RTTN: variants seen among roughly 807,000 people sequenced by gnomAD.
The protein encoded by RTTN is rotatin.
A neutral mutation model predicts 269.2 loss-of-function variants in RTTN; 182 were observed. The ratio of observed to expected loss-of-function variants is 0.68; its 90% CI spans 0.60 to 0.76. RTTN has a LOEUF of 0.76. Ranked by LOEUF, RTTN falls within the 30% of genes least tolerant of loss-of-function variation. The pLI is 0.00. For synonymous variants in RTTN, 1,006 were observed against 963.5 expected (o/e 1.04, Z -0.82); for missense variants, 2,545 against 2,608.6 (o/e 0.98, Z 0.53).
At chr18:70,134,426 TAAC>T (rs773332713) in intron 23 of RTTN, 44 bp downstream of exon 23, 22 of 1,335,522 alleles carry the variant, frequency 1.6e-5, no homozygotes, top group South Asian at 2.5e-5. Context: ...TCCCTTTCTG[TAAC>T]AACATTTCGT....
intron 28 of RTTN, among the ~76,000 whole-genome samples, chr18:70,101,278 T>C (rs939425716): frequency 1.2e-4 from 18 of 152,212 alleles, no homozygotes; most frequent in South Asian, 2.1e-4. Context: ...TATTCAGAAA[T>C]TGAACTTCTT....
At chr18:70,071,429 C>A (rs1184724206) in intron 34 of RTTN, among the ~76,000 whole-genome samples, 4 of 152,148 alleles carry the variant, frequency 2.6e-5, no homozygotes, top group African/African-American at 9.7e-5. Flanking sequence ...TGCTCAGGAA[C>A]AACAGAAGAG....
intron 11 of RTTN, among the ~76,000 whole-genome samples, chr18:70,174,874 G>A (rs1232745152): frequency 5.4e-5 from 8 of 149,286 alleles, no homozygotes; most frequent in South Asian, 4.3e-4. Flanking sequence ...AAAAAAATAC[G>A]AAAATTAGCT....
chr18:70,037,395 C>A (rs1004870861), intron 40 of RTTN, among the ~76,000 whole-genome samples: 1 of 152,170 alleles, frequency 6.6e-6, no homozygotes, highest in African/African-American at 2.4e-5. Context: ...AGAGAGTAAA[C>A]AAGACTTTGT....
rs1222489760 is a variant in RTTN, at chr18:70,205,662, G to A, written c.-4C>T. ...TGATGAGCCCTGCCAGGACCATCTC[G>A]TCCCGTCAATCTGCAGCCGCCGGAG... On this transcript the variant is annotated 5_prime_UTR_variant, in exon 1 of 49. The change creates a new upstream start codon in the 5' untranslated region. Transcript: ENST00000640769. The A allele has an allele frequency of 5.0e-6, 8 of 1,613,954 alleles. No homozygotes were observed. The highest frequency in any genetic ancestry group is 1.6e-4 in the Middle Eastern group (1 of 6,084).
At chr18:70,055,306 C>T (rs1019961820) in intron 37 of RTTN, among the ~76,000 whole-genome samples, 1 of 151,262 alleles carries the variant, frequency 6.6e-6, no homozygotes, top group African/African-American at 2.4e-5. Flanking sequence ...TCTCTCTGTA[C>T]ACACACACAC....
At chr18:70,044,368 C>T (rs543384805) in intron 40 of RTTN, among the ~76,000 whole-genome samples, 161 of 152,202 alleles carry the variant, frequency 1.1e-3, no homozygotes, top group Admixed American at 2.0e-3. Context: ...ATTAATATAT[C>T]AATTATAGAC....
intron 43 of RTTN, among the ~76,000 whole-genome samples, chr18:70,025,673 TGCA>T (rs1287839391): frequency 6.6e-6 from 1 of 152,230 alleles, no homozygotes; most frequent in Non-Finnish European, 1.5e-5. Flanking sequence ...GCCCTCCATC[TGCA>T]GCAGATGACC....
At chr18:70,131,124 A>C (rs1032448732) in intron 23 of RTTN, 1 of 127,534 alleles carries the variant, frequency 7.8e-6, no homozygotes, top group African/African-American at 2.8e-5. Context: ...AACATTTTTT[A>C]AAACAGAAAG....
chr18:70,111,920 C>T (rs1192431338), intron 27 of RTTN, among the ~76,000 whole-genome samples: 3 of 152,144 alleles, frequency 2.0e-5, no homozygotes, highest in African/African-American at 7.2e-5. Flanking sequence ...GATCAGGTTA[C>T]CCACAAAGGG....
intron 27 of RTTN, among the ~76,000 whole-genome samples, chr18:70,110,731 G>A (rs765073564): frequency 3.3e-5 from 5 of 152,186 alleles, no homozygotes; most frequent in Non-Finnish European, 5.9e-5. Context: ...CGCTGGAAAG[G>A]GGTGCTGAAG....
At chr18:70,122,149 G>A (rs1390882870) in intron 25 of RTTN, among the ~76,000 whole-genome samples, 3 of 152,012 alleles carry the variant, frequency 2.0e-5, no homozygotes, top group African/African-American at 4.8e-5. Context: ...CTGCAAGGAC[G>A]CTACTAGAGT....
chr18:70,163,920 T>A (rs1239330467), intron 14 of RTTN, among the ~76,000 whole-genome samples: 1 of 152,190 alleles, frequency 6.6e-6, no homozygotes, highest in African/African-American at 2.4e-5. Flanking sequence ...TGTTACAACA[T>A]GGATGAGCCT....
chr18:70,086,577 C>A, intron 32 of RTTN, 36 bp downstream of exon 32: 1 of 1,420,986 alleles, frequency 7.0e-7, no homozygotes, highest in South Asian at 1.2e-5. Flanking sequence ...TAATTTGAAA[C>A]ATCTACTAGG....
At position 70,149,974 on chromosome 18, in the gene RTTN, T is replaced by C. The variant is rs1488239915; in HGVS notation, c.2169A>G (p.Leu723=). The change falls in exon 16 of 49, where the codon CTA becomes CTG. Residue 723 remains leucine, a synonymous_variant. Coordinates refer to ENST00000640769, the MANE Select transcript of RTTN (RefSeq NM_173630.4). ...IESLCPVIPI[L]QGYADTEDPL... ...AAAAGTGAATTTCACAGAATACCTG[T>C]AGTATTGGGATGACAGGACAGAGAG... 3.2e-6 allele frequency: 5 copies of C among 1,584,434 alleles called. No individual in the cohort carries two copies. The highest frequency in any genetic ancestry group is 1.1e-5 in the South Asian group (1 of 90,478).
intron 27 of RTTN, 69 bp from the exon 28 acceptor site, chr18:70,109,786 G>A: frequency 9.0e-6 from 11 of 1,228,482 alleles, no homozygotes; most frequent in Non-Finnish European, 1.3e-5. Flanking sequence ...TATCTTACTG[G>A]CTATAAAAGG....
At chr18:70,130,817 T>C (rs530736059) in intron 23 of RTTN, 1 of 152,138 alleles carries the variant, frequency 6.6e-6, no homozygotes, top group African/African-American at 2.4e-5. Context: ...AGAGAATCAA[T>C]AAATGTTAGA....
chr18:70,064,271 G>A (rs1358035964), intron 35 of RTTN, among the ~76,000 whole-genome samples: 2 of 134,894 alleles, frequency 1.5e-5, no homozygotes, highest in African/African-American at 5.5e-5. Flanking sequence ...CCAGGAGGCA[G>A]AGGCTGCACT....
chr18:70,197,314 C>T (rs1037716526), intron 6 of RTTN, among the ~76,000 whole-genome samples: 2 of 152,170 alleles, frequency 1.3e-5, no homozygotes, highest in African/African-American at 2.4e-5. Context: ...AGAAGCAATG[C>T]TATTCTTACT....
Sources: allele counts gnomAD v4.1 joint callset (sites outside exome capture counted in the v4.1 genomes callset), GRCh38; gene constraint gnomAD v4.1.1; transcripts MANE v1.5; gene names NCBI Gene and HGNC (gene_info 2026-07-23, HGNC 2026-07-21).